Variants in POLG observed in about 807,000 individuals in gnomAD.
The protein encoded by POLG is DNA polymerase gamma, catalytic subunit, also known as DNA polymerase subunit gamma-1.
In POLG, 110 loss-of-function variants were observed where a neutral mutation model predicts 155.4. The ratio of observed to expected loss-of-function variants is 0.71; its 90% CI spans 0.61 to 0.83. POLG has a LOEUF of 0.83. Among genes scored for constraint, POLG ranks in the 40% least tolerant of loss-of-function variants. The pLI is 0.00. For synonymous variants in POLG, 701 were observed against 631.5 expected, an observed-to-expected ratio of 1.11 and a Z score of -1.65; for missense variants, 1,685 against 1,627.5, an observed-to-expected ratio of 1.04 and a Z score of -0.61.
chr15:89,321,068 AT>A, intron 17 of POLG, 56 bp from the exon 18 acceptor site: 1 of 1,592,666 alleles, frequency 6.3e-7, no homozygotes, highest in Middle Eastern at 1.7e-4. Flanking sequence ...CCCAATGTTC[AT>A]CAGAACTGTC....
At chr15:89,330,300 G>A in intron 2 of POLG, 24 bp from the exon 3 acceptor site, 1 of 1,583,448 alleles carries the variant, frequency 6.3e-7, no homozygotes, top group Non-Finnish European at 8.6e-7. Context: ...GAGGCAGGCA[G>A]GTTCACCATG....
chr15:89,319,418 G>T, intron 18 of POLG, 68 bp from the exon 19 acceptor site: 2 of 1,597,130 alleles, frequency 1.3e-6, no homozygotes, highest in Non-Finnish European at 8.5e-7. Flanking sequence ...CCTTGGCAAG[G>T]AATGTTCACA....
chr15:89,320,618 C>G, intron 18 of POLG, 148 bp downstream of exon 18: 3 of 905,564 alleles, frequency 3.3e-6, no homozygotes, highest in East Asian at 5.2e-5. Context: ...ACAAATCATC[C>G]TGGAACCAGG....
Position 89,325,162 on chromosome 15 carries a change from G to A in POLG, c.1949+288C>T, listed in dbSNP as rs536596526. ...AGTGAGAGAGTGAGTGAGTGAGTGA[G>A]TGAGTGAGAGAGTGAGAGAGTGAGT... On this transcript the variant is annotated intron_variant, in intron 10 of 22. Transcript: ENST00000268124. Among the ~76,000 whole-genome samples the A allele has an allele frequency of 1.7e-4, 17 of 101,244 alleles. 3 individuals are homozygous for A. The highest frequency in any genetic ancestry group is 2.8e-4 in the Admixed American group (3 of 10,714). The allele number at this position is 101,244 out of a possible 152,430, so 66.4% of individuals were successfully genotyped here. A position where few individuals can be genotyped will look rare whatever the true frequency, so the allele number is the denominator to read the frequency against.
intron 14 of POLG, 110 bp from the exon 15 acceptor site, chr15:89,322,125 C>A: frequency 9.9e-7 from 1 of 1,013,130 alleles, no homozygotes; most frequent in Non-Finnish European, 1.6e-6. Flanking sequence ...TACTCCATTA[C>A]CCAGCCTCAC....
chr15:89,318,796 C>T lies in POLG; in HGVS notation c.3274-47G>A, dbSNP rs1567185324. The T allele has an allele frequency of 6.4e-7, 1 of 1,566,690 alleles. No individual in the cohort carries two copies. Among genetic ancestry groups the T allele is most frequent in the Non-Finnish European group, 8.8e-7 (1 of 1,138,658 alleles). On this transcript the variant is annotated intron_variant, in intron 20 of 22. Coordinates refer to ENST00000268124, the MANE Select transcript of POLG (RefSeq NM_002693.3). Reference sequence around the variant, plus strand: ...AGGTGAAAGGGGCTATGCTACATACCAATTAACTCCAGGGTAGAAGCCCCA... The same window carrying T: ...AGGTGAAAGGGGCTATGCTACATACTAATTAACTCCAGGGTAGAAGCCCCA...
intron 10 of POLG, among the ~76,000 whole-genome samples, chr15:89,325,071 A>G (rs2055461072): frequency 9.4e-6 from 1 of 106,622 alleles, no homozygotes; most frequent in African/African-American, 4.1e-5. Context: ...TGAGTGAGTG[A>G]GTGAGTGAGT....
intron 10 of POLG, 82 bp downstream of exon 10, chr15:89,325,366 ACT>A: frequency 4.3e-6 from 4 of 920,610 alleles, no homozygotes; most frequent in Non-Finnish European, 7.0e-6. Context: ...TTGAACCCAA[ACT>A]CTTTCCACTA....
chr15:89,328,011 A>C (rs1209991532), intron 6 of POLG, among the ~76,000 whole-genome samples: 2 of 152,234 alleles, frequency 1.3e-5, no homozygotes, highest in Admixed American at 6.5e-5. Flanking sequence ...TCTAGCCAAC[A>C]GCAAGCTATT....
At chr15:89,331,577 G>A (rs554137430) in intron 2 of POLG, among the ~76,000 whole-genome samples, 17 of 152,326 alleles carry the variant, frequency 1.1e-4, no homozygotes, top group African/African-American at 3.6e-4. Context: ...CCAGAGAGAC[G>A]TCCCTCTAGC....
At chr15:89,317,086 TAG>T (rs1223721175) in intron 22 of POLG, 3 of 591,394 alleles carry the variant, frequency 5.1e-6, no homozygotes, top group Non-Finnish European at 9.0e-6. Context: ...CTGTCACCTA[TAG>T]AGTGCAAGAA....
At chr15:89,328,601 G>T (rs551086157) in intron 5 of POLG, 66 bp from the exon 6 acceptor site, 3 of 1,603,350 alleles carry the variant, frequency 1.9e-6, no homozygotes, top group African/African-American at 2.7e-5. Flanking sequence ...AGCTCTCAGG[G>T]TCAGGCCTGG....
chr15:89,321,755 A>T lies in POLG; in HGVS notation c.2579T>A (p.Leu860His). The change falls in exon 16 of 23, where the codon CTC becomes CAC. Residue 860 changes from leucine to histidine, a missense_variant. Transcript: ENST00000268124. Reference protein sequence around the residue: ...ITRRAVEPTWLTASNARPDRV... With the variant: ...ITRRAVEPTWHTASNARPDRV... The stretch of plus-strand genomic sequence containing the variant: ...ACATACCCGGGCATTGCTGGCGGTG[A>T]GCCATGTGGGCTCCACAGCCCGGCG... 1 of 1,613,566 alleles carries T rather than the reference A, an allele frequency of 6.2e-7. No homozygotes were observed. Among genetic ancestry groups the T allele is most frequent in the Non-Finnish European group, 8.5e-7 (1 of 1,179,566 alleles).
rs758226050 is a variant in POLG, at chr15:89,318,521, A to G, written c.3482+20T>C. ...ACATAGGAGCACATGGCCAGGCTAG[A>G]GGCCATGGGCCCCGCATACCTGGTC... On this transcript the variant is annotated intron_variant, in intron 21 of 22. Coordinates refer to ENST00000268124, the MANE Select transcript of POLG (RefSeq NM_002693.3). 1.1e-5 allele frequency: 18 copies of G among 1,605,732 alleles called. No homozygotes were observed. Among genetic ancestry groups the G allele is most frequent in the Non-Finnish European group, 1.5e-5 (18 of 1,173,836 alleles).
chr15:89,323,917 G>A lies in POLG; in HGVS notation c.2071-16C>T, dbSNP rs1426437060. The A allele has an allele frequency of 1.0e-5, 16 of 1,604,042 alleles. No individual in the cohort carries two copies. The highest frequency in any genetic ancestry group is 1.4e-5 in the Non-Finnish European group (16 of 1,170,882). On this transcript the variant is annotated splice_polypyrimidine_tract_variant and intron_variant, in intron 11 of 22. Coordinates refer to ENST00000268124, the MANE Select transcript of POLG (RefSeq NM_002693.3). ...GTTCTTCTACCTGGAGCAGTCCAAG[G>A]ACCAAAGTAGTGAAGCAGGGGACTG...
At chr15:89,317,143 T>C in intron 22 of POLG, 1 of 601,674 alleles carries the variant, frequency 1.7e-6, no homozygotes, top group South Asian at 2.0e-5. Flanking sequence ...CTTCTGTGGT[T>C]GAAGTAGGGG....
In POLG at chr15:89,326,695, G is replaced by T. The variant is rs56349446; in HGVS notation, c.1629C>A (p.Val543=). ...GCTTCTGCAAGCAGGCGCGGGCCAT[G>T]ACATCTTGTTGAAACTCCTCCTCCT... The part of the protein sequence containing the change: ...CSEEEEFQQD[V]MARACLQKLK... Residue 543 remains valine, a synonymous_variant, in exon 9 of 23, where the codon GTC becomes GTA. Coordinates refer to ENST00000268124, the MANE Select transcript of POLG (RefSeq NM_002693.3). 4 of 1,614,160 alleles carry T rather than the reference G, an allele frequency of 2.5e-6. No individual in the cohort carries two copies. Among genetic ancestry groups the T allele is most frequent in the Admixed American group, 1.7e-5 (1 of 60,028 alleles).
intron 10 of POLG, 105 bp from the exon 11 acceptor site, chr15:89,324,332 A>T: frequency 7.5e-7 from 1 of 1,336,534 alleles, no homozygotes. Context: ...TAGTCCTCAG[A>T]ATCAGCTCTG....
chr15:89,317,765 T>C (rs1204071309), intron 21 of POLG: 2 of 565,930 alleles, frequency 3.5e-6, no homozygotes, highest in Non-Finnish European at 6.3e-6. Context: ...CATACTTTTT[T>C]TTTTTTTCCC....
Sources: gnomAD v4.1 joint callset for allele counts (sites outside exome capture counted in the v4.1 genomes callset) on GRCh38, gnomAD v4.1.1 for gene constraint, MANE v1.5 for transcripts, NCBI Gene and HGNC (gene_info 2026-07-23, HGNC 2026-07-21) for gene names.